Variants in PCLO observed in about 807,000 individuals in gnomAD.
PCLO encodes the protein piccolo presynaptic cytomatrix protein, also known as protein piccolo.
In PCLO, 82 loss-of-function variants were observed where a neutral mutation model predicts 427.5. The ratio of observed to expected loss-of-function variants is 0.19; its 90% CI spans 0.16 to 0.23. The LOEUF (loss-of-function observed/expected upper bound fraction) is 0.23, where lower values mean the gene tolerates loss of function less well. PCLO is among the 10% of genes least tolerant of loss of function. The pLI is 1.00. For synonymous variants in PCLO, 2,357 were observed against 2,155.4 expected (o/e 1.09, Z -2.59); for missense variants, 6,239 against 6,115.9 (o/e 1.02, Z -0.67).
intron 14 of PCLO, among the ~76,000 whole-genome samples, chr7:82,840,319 T>C (rs1165285628): frequency 1.3e-5 from 2 of 152,038 alleles, no homozygotes; most frequent in Admixed American, 6.6e-5. Flanking sequence ...TTTCTCCATT[T>C]CCACGCTCAC....
At chr7:82,873,753 A>G (rs1242279746) in intron 10 of PCLO, among the ~76,000 whole-genome samples, 2 of 151,848 alleles carry the variant, frequency 1.3e-5, no homozygotes, top group Non-Finnish European at 2.9e-5. Flanking sequence ...CTAAAGAAGA[A>G]CTGGCAGAGA....
chr7:82,793,929 T>C (rs1791160703), intron 22 of PCLO, among the ~76,000 whole-genome samples: 1 of 152,196 alleles, frequency 6.6e-6, no homozygotes, highest in African/African-American at 2.4e-5. Flanking sequence ...GAAAGTAAAA[T>C]GTTTGTACTT....
At chr7:83,161,269 C>T (rs1169737869) in intron 1 of PCLO, among the ~76,000 whole-genome samples, 1 of 150,248 alleles carries the variant, frequency 6.7e-6, no homozygotes, top group East Asian at 1.9e-4. Context: ...GGATAAGGAT[C>T]TACACCTATA....
At position 83,096,885 on chromosome 7, in the gene PCLO, T is replaced by TATATA. The variant is rs1192958679; in HGVS notation, c.3300+37360_3300+37364dup. ...AATATATTATATAATATAAATATAT[T>TATATA]ATATAATATATTAATATTATATTAT... is the stretch of plus-strand genomic sequence containing the variant. On this transcript the variant is annotated intron_variant, in intron 3 of 24. Transcript: ENST00000333891. Among the ~76,000 whole-genome samples the TATATA allele has an allele frequency of 4.3e-5, 2 of 46,150 alleles. 1 individual carries two copies. The highest frequency in any genetic ancestry group is 2.0e-4 in the African/African-American group (2 of 9,758). 30.3% of individuals were successfully genotyped at this position (46,150 alleles called of 152,430 possible). A position where few individuals can be genotyped will look rare whatever the true frequency, so the allele number is the denominator to read the frequency against.
intron 20 of PCLO, among the ~76,000 whole-genome samples, chr7:82,816,772 T>C (rs1460626757): frequency 6.6e-6 from 1 of 152,072 alleles, no homozygotes; most frequent in Non-Finnish European, 1.5e-5. Flanking sequence ...GAAATGAACA[T>C]ATAAATCCCC....
chr7:83,069,799 CCACACA>C (rs68086847), intron 3 of PCLO, among the ~76,000 whole-genome samples: 14 of 75,516 alleles, frequency 1.9e-4, no homozygotes, highest in African/African-American at 4.5e-4. Flanking sequence ...ACCCCCCCGC[CCACACA>C]CACACACACA....
chr7:82,877,665 G>A (rs559158244), intron 10 of PCLO, among the ~76,000 whole-genome samples: 1 of 151,978 alleles, frequency 6.6e-6, no homozygotes, highest in East Asian at 1.9e-4. Flanking sequence ...TTTTAATAAT[G>A]TGCATTTATT....
chr7:82,884,445 T>C (rs978497630), intron 9 of PCLO, among the ~76,000 whole-genome samples: 2 of 152,204 alleles, frequency 1.3e-5, no homozygotes, highest in African/African-American at 4.8e-5. Context: ...CTCCTCTTTA[T>C]AGACTTGGAA....
intron 22 of PCLO, among the ~76,000 whole-genome samples, chr7:82,765,045 G>T (rs568449008): frequency 6.6e-6 from 1 of 151,880 alleles, no homozygotes; most frequent in South Asian, 2.1e-4. Flanking sequence ...ACATTAGTGG[G>T]TTCTATAAAA....
At chr7:82,804,281 C>A (rs892193270) in intron 21 of PCLO, among the ~76,000 whole-genome samples, 4 of 151,810 alleles carry the variant, frequency 2.6e-5, no homozygotes, top group Non-Finnish European at 5.9e-5. Context: ...TAGACTAAAT[C>A]TCATAAAAGA....
chr7:82,966,881 T>C, intron 3 of PCLO, among the ~76,000 whole-genome samples: 1 of 152,180 alleles, frequency 6.6e-6, no homozygotes, highest in East Asian at 1.9e-4. Flanking sequence ...TCAAAGACTA[T>C]TATATTTCAT....
At chr7:82,949,256 T>TACAC (rs369915572) in intron 6 of PCLO, among the ~76,000 whole-genome samples, 1,922 of 149,792 alleles carry the variant, frequency 0.013, 33 homozygotes, top group African/African-American at 0.045. Flanking sequence ...TATGGTTTCC[T>TACAC]ACACACACAC....
At chr7:83,074,284 G>A (rs1789894476) in intron 3 of PCLO, among the ~76,000 whole-genome samples, 1 of 151,922 alleles carries the variant, frequency 6.6e-6, no homozygotes, top group South Asian at 2.1e-4. Context: ...ACTCCTAATA[G>A]ACATCCGGAT....
intron 21 of PCLO, among the ~76,000 whole-genome samples, chr7:82,804,757 A>G (rs1273104947): frequency 6.6e-6 from 1 of 152,206 alleles, no homozygotes; most frequent in African/African-American, 2.4e-5. Flanking sequence ...TCAATTTCCT[A>G]TAATTTTCAA....
Position 83,134,569 on chromosome 7 carries a change from A to C in PCLO, c.2981T>G (p.Ile994Arg), listed in dbSNP as rs1470697292. ...GGCTTTTGTTTCCTTTTTCACAGGT[A>C]TACTTTTTGCAGGTGCTGGTGGTGC... ...GQAPPAPAKS[I>R]PVKKETKAPA... is the part of the protein sequence containing the mutation. Residue 994 changes from isoleucine to arginine, a missense_variant, in exon 3 of 25, where the codon ATA becomes AGA. Ile to Arg is a moderately conservative substitution (Grantham distance 97). Transcript: ENST00000333891. 1 of 1,613,706 alleles carries C rather than the reference A, an allele frequency of 6.2e-7. No individual in the cohort carries two copies.
chr7:82,919,051 A>T (rs1794535318), intron 6 of PCLO, among the ~76,000 whole-genome samples: 2 of 151,960 alleles, frequency 1.3e-5, no homozygotes, highest in South Asian at 4.1e-4. Flanking sequence ...TATATTGTAC[A>T]TATGTGTAAG....
chr7:83,141,221 T>C (rs1445028702), intron 2 of PCLO, among the ~76,000 whole-genome samples: 5 of 152,178 alleles, frequency 3.3e-5, no homozygotes, highest in African/African-American at 1.2e-4. Flanking sequence ...CCTACAACGA[T>C]ATCAATGTGT....
Position 82,954,679 on chromosome 7 carries a change from T to C in PCLO, c.6274A>G (p.Thr2092Ala). The C allele has an allele frequency of 1.2e-6, 2 of 1,613,820 alleles. No homozygotes were observed. The highest frequency in any genetic ancestry group is 1.7e-6 in the Non-Finnish European group (2 of 1,179,770). ...PTQAPIGEDMTESTMDFDRMP... is the reference protein window; with the variant it reads ...PTQAPIGEDMAESTMDFDRMP... ...CTGTCAAAGTCCATGGTGGACTCTGTCATATCCTCACCAATGGGGGCCTGG... is the reference window on the plus strand; with the variant it reads ...CTGTCAAAGTCCATGGTGGACTCTGCCATATCCTCACCAATGGGGGCCTGG... Residue 2092 changes from threonine to alanine, a missense_variant, in exon 5 of 25, where the codon ACA becomes GCA. Around this residue, in one of 5 missense-constraint regions of PCLO, gnomAD observed 4,677 missense variants for 4,468.4 expected, o/e 1.05. Transcript: ENST00000333891.
chr7:82,775,711 T>C (rs1329880410), intron 22 of PCLO, among the ~76,000 whole-genome samples: 3 of 152,186 alleles, frequency 2.0e-5, no homozygotes, highest in African/African-American at 7.2e-5. Flanking sequence ...ATCAGAAATG[T>C]TGTAATTTTA....
Sources: allele counts gnomAD v4.1 joint callset (sites outside exome capture counted in the v4.1 genomes callset), GRCh38; gene constraint gnomAD v4.1.1; regional missense constraint gnomAD v4.1.1; transcripts MANE v1.5; gene names NCBI Gene and HGNC (gene_info 2026-07-23, HGNC 2026-07-21).